CAMK1D: variants seen among roughly 807,000 people sequenced by gnomAD.
The protein encoded by CAMK1D is calcium/calmodulin dependent protein kinase ID, also known as calcium/calmodulin-dependent protein kinase type 1D.
Under a neutral mutation model 47.7 loss-of-function variants are expected in CAMK1D, and 9 were observed. The ratio of observed to expected loss-of-function variants is 0.19; its 90% CI spans 0.11 to 0.33. CAMK1D has a LOEUF of 0.33. Among genes scored for constraint, CAMK1D ranks in the 10% least tolerant of loss-of-function variants. The pLI is 1.00. For missense variants in CAMK1D, 291 were observed against 488.7 expected, an observed-to-expected ratio of 0.60 and a Z score of 3.81; for synonymous variants, 184 against 184.9, an observed-to-expected ratio of 0.99 and a Z score of 0.04.
intron 1 of CAMK1D, among the ~76,000 whole-genome samples, chr10:12,467,088 T>TG (rs1833613956): frequency 6.6e-6 from 1 of 152,004 alleles, no homozygotes; most frequent in Admixed American, 6.6e-5. Context: ...GCAGAAGGAA[T>TG]GGGTAGATGC....
intron 2 of CAMK1D, among the ~76,000 whole-genome samples, chr10:12,589,066 A>G (rs1241479429): frequency 6.6e-6 from 1 of 151,936 alleles, no homozygotes; most frequent in Admixed American, 6.6e-5. Context: ...CAGTGGTGCT[A>G]TCTCAGCTCA....
intron 1 of CAMK1D, among the ~76,000 whole-genome samples, chr10:12,426,171 TG>T (rs1840223146): frequency 6.6e-6 from 1 of 152,244 alleles, no homozygotes; most frequent in South Asian, 2.1e-4. Flanking sequence ...GAGTCAGCCC[TG>T]GTAATGGGAA....
chr10:12,484,330 C>G (rs538859380), intron 1 of CAMK1D, among the ~76,000 whole-genome samples: 9 of 152,170 alleles, frequency 5.9e-5, no homozygotes, highest in African/African-American at 2.2e-4. Flanking sequence ...TACAGGAAAA[C>G]GCGTGAACTC....
At chr10:12,794,661 A>T (rs1021220621) in intron 6 of CAMK1D, among the ~76,000 whole-genome samples, 1 of 152,162 alleles carries the variant, frequency 6.6e-6, no homozygotes, top group African/African-American at 2.4e-5. Context: ...CTAGTCCCAC[A>T]TCAATTTCAT....
At chr10:12,529,312 G>T (rs182068607) in intron 1 of CAMK1D, among the ~76,000 whole-genome samples, 15 of 152,306 alleles carry the variant, frequency 9.8e-5, no homozygotes, top group African/African-American at 2.9e-4. Context: ...GCCCAACCAG[G>T]TTGGCACACT....
At chr10:12,724,281 A>G (rs1237997862) in intron 3 of CAMK1D, among the ~76,000 whole-genome samples, 2 of 152,174 alleles carry the variant, frequency 1.3e-5, no homozygotes, top group Admixed American at 6.5e-5. Context: ...AGGTTTTTAA[A>G]TGTGTTTCTA....
At chr10:12,825,894 T>G (rs1259195631) in intron 10 of CAMK1D, 1 of 760,512 alleles carries the variant, frequency 1.3e-6, no homozygotes, top group Non-Finnish European at 2.0e-6. Context: ...CCCAACACTT[T>G]GGGAGGCTGA....
rs1391798839 is a variant in CAMK1D at position 12,835,376 on chromosome 10, A to G, written c.*6489A>G. ...ATTCCATGCATGTAATAAACTCTGC[A>G]AGAAGTTTAACCCACATAGGTTTGC... On this transcript the variant is annotated 3_prime_UTR_variant, in exon 11 of 11. Transcript: ENST00000619168. The G allele has an allele frequency of 6.6e-6, 1 of 152,244 alleles. No individual in the cohort carries two copies. Among genetic ancestry groups the G allele is most frequent in the Non-Finnish European group, 1.5e-5 (1 of 68,042 alleles). 9.4% of individuals were successfully genotyped at this position (152,244 alleles called of 1,614,324 possible).
chr10:12,761,142 G>T, intron 4 of CAMK1D, 56 bp downstream of exon 4: 3 of 1,585,040 alleles, frequency 1.9e-6, no homozygotes, highest in Admixed American at 1.7e-5. Flanking sequence ...CAATGCACGC[G>T]ACCAAGAGGG....
At chr10:12,605,003 T>C (rs1307554290) in intron 2 of CAMK1D, among the ~76,000 whole-genome samples, 1 of 151,998 alleles carries the variant, frequency 6.6e-6, no homozygotes, top group African/African-American at 2.4e-5. Flanking sequence ...TTCTCCTGCA[T>C]CAGCCTCCTG....
intron 2 of CAMK1D, among the ~76,000 whole-genome samples, chr10:12,570,954 T>TA (rs1438697727): frequency 6.6e-6 from 1 of 150,612 alleles, no homozygotes; most frequent in Non-Finnish European, 1.5e-5. Context: ...TCATGTCAAT[T>TA]AAAAAAAAGA....
chr10:12,725,344 A>G (rs1478793975), intron 3 of CAMK1D: 2 of 155,978 alleles, frequency 1.3e-5, no homozygotes, highest in African/African-American at 4.8e-5. Context: ...CTTTTGCACC[A>G]GCCTAATATA....
intron 1 of CAMK1D, among the ~76,000 whole-genome samples, chr10:12,537,880 T>C (rs1836028461): frequency 6.6e-6 from 1 of 152,248 alleles, no homozygotes; most frequent in Admixed American, 6.5e-5. Context: ...AACATTTTCA[T>C]TGTATTTTTT....
At position 12,834,919 on chromosome 10, in the gene CAMK1D, A is replaced by G. The variant is rs879526756; in HGVS notation, c.*6032A>G. The G allele has an allele frequency of 3.9e-5, 6 of 152,176 alleles. No homozygotes were observed. The highest frequency in any genetic ancestry group is 3.9e-4 in the Admixed American group (6 of 15,286). 9.4% of individuals were successfully genotyped at this position (152,176 alleles called of 1,614,324 possible). A position where few individuals can be genotyped will look rare whatever the true frequency, so the allele number is the denominator to read the frequency against. On this transcript the variant is annotated 3_prime_UTR_variant, in exon 11 of 11. Transcript: ENST00000619168. ...AGAGCTAAAAAGGAACAAGAACATC[A>G]GCTCGGATGTTTGTCTCTCAGCCCT...
intron 4 of CAMK1D, among the ~76,000 whole-genome samples, chr10:12,764,933 T>C (rs1378400003): frequency 6.6e-6 from 1 of 152,114 alleles, no homozygotes; most frequent in Non-Finnish European, 1.5e-5. Context: ...TTGTCTCTAC[T>C]AAAAATACAA....
chr10:12,422,963 G>A (rs1320183360), intron 1 of CAMK1D, among the ~76,000 whole-genome samples: 4 of 152,000 alleles, frequency 2.6e-5, no homozygotes, highest in Non-Finnish European at 5.9e-5. Context: ...GTGAGCCACC[G>A]AGCCCGGCTA....
chr10:12,540,121 GGTCTTGCTCT>G (rs952810972), intron 1 of CAMK1D, among the ~76,000 whole-genome samples: 1 of 151,270 alleles, frequency 6.6e-6, no homozygotes. Flanking sequence ...GAGAGTTGGG[GGTCTTGCTCT>G]GTTATCCAGG....
chr10:12,391,594 C>T (rs1224513642), intron 1 of CAMK1D, among the ~76,000 whole-genome samples: 2 of 151,976 alleles, frequency 1.3e-5, no homozygotes, highest in African/African-American at 4.8e-5. Flanking sequence ...TAAAATATTC[C>T]CTTTCGGGAG....
intron 5 of CAMK1D, among the ~76,000 whole-genome samples, chr10:12,777,732 G>C (rs1178006015): frequency 1.3e-5 from 2 of 152,200 alleles, no homozygotes; most frequent in Non-Finnish European, 2.9e-5. Context: ...GCAGGAAGAA[G>C]GTGAAACGGG....
Sources: allele counts gnomAD v4.1 joint callset (sites outside exome capture counted in the v4.1 genomes callset), GRCh38; gene constraint gnomAD v4.1.1; transcripts MANE v1.5; gene names NCBI Gene and HGNC (gene_info 2026-07-23, HGNC 2026-07-21).